TMEM156: variants seen among roughly 807,000 people sequenced by gnomAD.
The protein encoded by TMEM156 is transmembrane protein 156.
In TMEM156, 28 loss-of-function variants were observed where a neutral mutation model predicts 30.5. That is an observed-to-expected ratio of 0.92 (90% CI 0.68 to 1.26). The LOEUF (loss-of-function observed/expected upper bound fraction) is 1.26. Ranked by LOEUF, TMEM156 falls within the 50% of genes most tolerant of loss-of-function variation. The pLI, the probability that TMEM156 is intolerant of heterozygous loss-of-function variation, is 0.00. For synonymous variants in TMEM156, 137 were observed against 119.9 expected (o/e 1.14, Z -0.93); for missense variants, 351 against 340.6 (o/e 1.03, Z -0.24).
At chr4:39,023,752 G>C (rs1322993894) in intron 1 of TMEM156, among the ~76,000 whole-genome samples, 1 of 152,192 alleles carries the variant, frequency 6.6e-6, no homozygotes, top group Non-Finnish European at 1.5e-5. Flanking sequence ...TACGCAGGAG[G>C]CTGAGGCAGG....
intron 2 of TMEM156, among the ~76,000 whole-genome samples, chr4:38,995,669 C>T (rs1712873359): frequency 6.6e-6 from 1 of 152,146 alleles, no homozygotes; most frequent in African/African-American, 2.4e-5. Context: ...GAGCCAAGAT[C>T]ACGCCACTGC....
At chr4:39,023,662 G>A (rs1306767378) in intron 1 of TMEM156, among the ~76,000 whole-genome samples, 4 of 151,988 alleles carry the variant, frequency 2.6e-5, no homozygotes, top group African/African-American at 7.3e-5. Flanking sequence ...GGCCAACTTG[G>A]TGAAACCCAT....
rs1722396713 is a variant in TMEM156, at chr4:38,967,427, A to G, written c.*253T>C. 6.6e-6 allele frequency: 1 copy of G among 151,918 alleles called. No homozygotes were observed. 9.4% of individuals were successfully genotyped at this position (151,918 alleles called of 1,614,324 possible). ...CATGGGTTTCATCATCTTTTTTTCC[A>G]TGACTCATAATGGCTTCTTGCAAAC... On this transcript the variant is annotated 3_prime_UTR_variant, in exon 7 of 7. Transcript: ENST00000381938.
chr4:38,984,082 G>C (rs4473660), intron 5 of TMEM156, among the ~76,000 whole-genome samples: 57,926 of 151,998 alleles, frequency 0.38, 11,930 homozygotes, highest in African/African-American at 0.54. Flanking sequence ...CACATAAGCT[G>C]TCACGCTTCT....
Position 38,993,930 on chromosome 4 carries a change from A to T in TMEM156, c.427T>A (p.Phe143Ile), listed in dbSNP as rs531321351. The T allele has an allele frequency of 1.2e-6, 2 of 1,614,112 alleles. No individual in the cohort carries two copies. Among genetic ancestry groups the T allele is most frequent in the African/African-American group, 2.7e-5 (2 of 75,048 alleles). Residue 143 changes from phenylalanine to isoleucine, a missense_variant, in exon 3 of 7, where the codon TTC (phenylalanine) becomes ATC (isoleucine). By Grantham distance (21) the Phe-to-Ile change is conservative. Coordinates refer to ENST00000381938, the MANE Select transcript of TMEM156 (RefSeq NM_024943.3). ...DFHSPCQHFN[F>I]SVAPLVDHLE... ...TGGTCAACCAGAGGAGCTACACTGA[A>T]GTTAAAGTGCTGACAAGGTGAATGA...
chr4:38,982,720 T>C (rs1711675610), intron 5 of TMEM156, among the ~76,000 whole-genome samples: 1 of 152,238 alleles, frequency 6.6e-6, no homozygotes, highest in Admixed American at 6.5e-5. Context: ...TCCTATTAGT[T>C]CTGTCCCTCT....
At chr4:39,029,143 A>G (rs889214523) in intron 1 of TMEM156, among the ~76,000 whole-genome samples, 63 of 152,318 alleles carry the variant, frequency 4.1e-4, no homozygotes, top group African/African-American at 1.5e-3. Flanking sequence ...ATTAAACATC[A>G]TGAGTATATT....
intron 1 of TMEM156, among the ~76,000 whole-genome samples, chr4:39,031,930 G>T (rs1715546202): frequency 6.8e-6 from 1 of 146,900 alleles, no homozygotes; most frequent in Non-Finnish European, 1.5e-5. Flanking sequence ...TTTGAAGAAA[G>T]TGTTTCAAAG....
At chr4:39,011,488 G>A (rs779638040) in intron 1 of TMEM156, among the ~76,000 whole-genome samples, 2 of 152,130 alleles carry the variant, frequency 1.3e-5, no homozygotes, top group Non-Finnish European at 2.9e-5. Flanking sequence ...CAAAGACATG[G>A]AATCAATCCA....
chr4:38,990,891 T>C (rs1390001565), intron 3 of TMEM156, among the ~76,000 whole-genome samples: 2 of 129,916 alleles, frequency 1.5e-5, no homozygotes, highest in Admixed American at 9.1e-5. Flanking sequence ...TGGAGTGCGG[T>C]GGTGCGATCT....
chr4:38,978,415 G>A (rs1213285378), intron 5 of TMEM156, among the ~76,000 whole-genome samples: 1 of 151,968 alleles, frequency 6.6e-6, no homozygotes, highest in Non-Finnish European at 1.5e-5. Context: ...TGGTATTCTG[G>A]GCACTGTTTT....
intron 4 of TMEM156, 53 bp downstream of exon 4, chr4:38,988,798 G>T: frequency 6.2e-7 from 1 of 1,604,152 alleles, no homozygotes; most frequent in South Asian, 1.1e-5. Context: ...AAAAGGAAAT[G>T]AAATCCATAG....
At chr4:39,026,084 TG>T (rs1187168386) in intron 1 of TMEM156, among the ~76,000 whole-genome samples, 1 of 152,192 alleles carries the variant, frequency 6.6e-6, no homozygotes, top group East Asian at 1.9e-4. Flanking sequence ...CTCGGTTTCA[TG>T]GAGCTTACAT....
chr4:38,968,100 T>C (rs945773023), intron 6 of TMEM156, among the ~76,000 whole-genome samples: 1 of 152,138 alleles, frequency 6.6e-6, no homozygotes, highest in Admixed American at 6.5e-5. Flanking sequence ...CCCCATTATA[T>C]CCCTAAGAAG....
rs184061761 is a variant in TMEM156, at chr4:38,995,765, G to A, written c.359-1767C>T. 3.1e-3 allele frequency among the ~76,000 whole-genome samples: 471 copies of A among 152,246 alleles called. 3 individuals are homozygous for A. The highest frequency in any genetic ancestry group is 4.0e-3 in the South Asian group (19 of 4,808). ...TTTCTTTTCCCTTGAATCTGGGAAG[G>A]TTTGTGATTTGCTTATAACCAATCA... On this transcript the variant is annotated intron_variant, in intron 2 of 6. Transcript: ENST00000381938.
chr4:39,016,165 G>C (rs1330487519), intron 1 of TMEM156, among the ~76,000 whole-genome samples: 1 of 152,122 alleles, frequency 6.6e-6, no homozygotes, highest in African/African-American at 2.4e-5. Flanking sequence ...ACGAGGTCAG[G>C]AGATTAAGAT....
At chr4:39,007,946 A>G (rs1484729770) in intron 1 of TMEM156, among the ~76,000 whole-genome samples, 1 of 152,116 alleles carries the variant, frequency 6.6e-6, no homozygotes, top group Non-Finnish European at 1.5e-5. Flanking sequence ...TGTTGGTAGT[A>G]TATGGAAATA....
intron 1 of TMEM156, among the ~76,000 whole-genome samples, chr4:39,023,161 C>T (rs536610253): frequency 1.3e-5 from 2 of 152,256 alleles, no homozygotes; most frequent in East Asian, 1.9e-4. Flanking sequence ...AAAGAAAAGT[C>T]AGCATTCTGC....
chr4:39,002,847 A>T (rs1560374698), intron 1 of TMEM156, among the ~76,000 whole-genome samples: 1 of 151,348 alleles, frequency 6.6e-6, no homozygotes, highest in Non-Finnish European at 1.5e-5. Context: ...GAACACATGG[A>T]CACAGGAAGG....
Sources: gnomAD v4.1 joint callset for allele counts (sites outside exome capture counted in the v4.1 genomes callset) on GRCh38, gnomAD v4.1.1 for gene constraint, MANE v1.5 for transcripts, NCBI Gene and HGNC (gene_info 2026-07-23, HGNC 2026-07-21) for gene names.